Variants in OR2T6 observed in about 807,000 individuals in gnomAD.
OR2T6 encodes the protein olfactory receptor 2T6.
For synonymous variants in OR2T6, 174 were observed against 148.0 expected (o/e 1.18, Z -1.27); for missense variants, 424 against 391.6 (o/e 1.08, Z -0.70).
chr1:248,380,595 G>T (rs1035452094), intron 1 of OR2T6, among the ~76,000 whole-genome samples: 1 of 151,662 alleles, frequency 6.6e-6, no homozygotes, highest in African/African-American at 2.4e-5. Context: ...ATTATTAGAG[G>T]TTATAAAATT....
At chr1:248,376,587 C>T (rs1207126863) in intron 1 of OR2T6, among the ~76,000 whole-genome samples, 1 of 152,128 alleles carries the variant, frequency 6.6e-6, no homozygotes, top group East Asian at 1.9e-4. Flanking sequence ...TTGAGGAAGG[C>T]TGTACATTTT....
At chr1:248,378,959 G>T (rs550990972) in intron 1 of OR2T6, among the ~76,000 whole-genome samples, 62 of 152,186 alleles carry the variant, frequency 4.1e-4, no homozygotes, top group African/African-American at 1.5e-3. Context: ...GATTTCTTCA[G>T]GCCAGAAGTT....
intron 2 of OR2T6, among the ~76,000 whole-genome samples, chr1:248,385,252 C>A (rs773501211): frequency 1.3e-5 from 2 of 152,082 alleles, no homozygotes; most frequent in Admixed American, 6.6e-5. Context: ...ACTGAGGAGT[C>A]GCTAGGGTTC....
intron 2 of OR2T6, among the ~76,000 whole-genome samples, chr1:248,386,375 G>A (rs1558307172): frequency 1.3e-5 from 2 of 152,068 alleles, no homozygotes; most frequent in South Asian, 4.1e-4. Context: ...GCTTACGACT[G>A]ACCAACCAAA....
rs1343199627 is a variant in OR2T6, at chr1:248,389,882, C to G, written c.*1347C>G. The G allele has an allele frequency of 6.6e-6, 1 of 152,214 alleles. No homozygotes were observed. The highest frequency in any genetic ancestry group is 1.5e-5 in the Non-Finnish European group (1 of 68,058). The allele number at this position is 152,214 out of a possible 1,614,324, so 9.4% of individuals were successfully genotyped here. Reference sequence around the variant, plus strand: ...GGGGAGAGAAGAAGAGAAAAGCGGTCCTGGTCCAGGCCGGGTGGTCCACTG... The same window carrying G: ...GGGGAGAGAAGAAGAGAAAAGCGGTGCTGGTCCAGGCCGGGTGGTCCACTG... On this transcript the variant is annotated 3_prime_UTR_variant, in exon 3 of 3. Coordinates refer to ENST00000641644, the MANE Select transcript of OR2T6 (RefSeq NM_001005471.2).
Position 248,389,857 on chromosome 1 carries a change from G to C in OR2T6, c.*1322G>C, listed in dbSNP as rs1661218711. The stretch of plus-strand genomic sequence containing the variant: ...GAGAAAGGATCACAAACCAGTCCAA[G>C]GGGAGAGAAGAAGAGAAAAGCGGTC... On this transcript the variant is annotated 3_prime_UTR_variant, in exon 3 of 3. Transcript: ENST00000641644. 2 of 152,382 alleles carry C rather than the reference G, an allele frequency of 1.3e-5. No homozygotes were observed. The highest frequency in any genetic ancestry group is 2.1e-4 in the South Asian group (1 of 4,822). The allele number at this position is 152,382 out of a possible 1,614,324, so 9.4% of individuals were successfully genotyped here. A position where few individuals can be genotyped will look rare whatever the true frequency, so the allele number is the denominator to read the frequency against.
At chr1:248,378,346 A>G (rs1558304047) in intron 1 of OR2T6, among the ~76,000 whole-genome samples, 2 of 152,204 alleles carry the variant, frequency 1.3e-5, no homozygotes, top group African/African-American at 2.4e-5. Flanking sequence ...AGAGACTCAA[A>G]CATCATAAAA....
At chr1:248,381,429 C>T (rs1661026304) in intron 1 of OR2T6, among the ~76,000 whole-genome samples, 1 of 151,996 alleles carries the variant, frequency 6.6e-6, no homozygotes. Flanking sequence ...GTATCTTCTG[C>T]TCCTAGAAAA....
chr1:248,387,127 T>G (rs1050124582), intron 2 of OR2T6, among the ~76,000 whole-genome samples: 1 of 152,236 alleles, frequency 6.6e-6, no homozygotes, highest in Non-Finnish European at 1.5e-5. Flanking sequence ...AGTTTTCAGT[T>G]GTGTCTACAA....
At chr1:248,382,532 C>CTTTTTTTTTTT (rs773197375) in intron 1 of OR2T6, among the ~76,000 whole-genome samples, 14 of 117,266 alleles carry the variant, frequency 1.2e-4, no homozygotes, top group East Asian at 2.4e-4. Flanking sequence ...ACCTTTCTTT[C>CTTTTTTTTTTT]TTTCTTTTTT....
intron 1 of OR2T6, among the ~76,000 whole-genome samples, chr1:248,381,792 C>T (rs2066148): frequency 0.2 from 31,107 of 151,802 alleles, 3,503 homozygotes; most frequent in East Asian, 0.43. Context: ...AGTAATATTA[C>T]AGTTTCTTCC....
rs767183247 is a variant in OR2T6 at position 248,387,970 on chromosome 1, A to G, written c.362A>G (p.Asp121Gly). 6.2e-7 allele frequency: 1 copy of G among 1,608,884 alleles called. No individual in the cohort carries two copies. Among genetic ancestry groups the G allele is most frequent in the East Asian group, 2.2e-5 (1 of 44,820 alleles). ...EFFLLGLMAY[D>G]RYVAICNPLR... ...TTCCTGCTGGGGCTCATGGCCTATGACCGCTACGTGGCCATCTGCAACCCA... is the reference window on the plus strand; with the variant it reads ...TTCCTGCTGGGGCTCATGGCCTATGGCCGCTACGTGGCCATCTGCAACCCA... The change falls in exon 3 of 3, where the codon GAC (aspartate) becomes GGC (glycine). Residue 121 changes from aspartate to glycine, a missense_variant. Physicochemically the swap from Asp to Gly is moderately conservative, Grantham distance 94 (BLOSUM62 -1). Coordinates refer to ENST00000641644, the MANE Select transcript of OR2T6 (RefSeq NM_001005471.2).
rs1661239688 is a variant in OR2T6, at chr1:248,390,892, T to C, written c.*2357T>C. 1 of 152,258 alleles carries C rather than the reference T, an allele frequency of 6.6e-6. No homozygotes were observed. Among genetic ancestry groups the C allele is most frequent in the Non-Finnish European group, 1.5e-5 (1 of 68,038 alleles). The allele number at this position is 152,258 out of a possible 1,614,324, so 9.4% of individuals were successfully genotyped here. A position where few individuals can be genotyped will look rare whatever the true frequency, so the allele number is the denominator to read the frequency against. ...AAATTTGACTTAATACATACTTTTT[T>C]TCTTGTAAGATTTTAAAATCAAGTA... On this transcript the variant is annotated 3_prime_UTR_variant, in exon 3 of 3. Coordinates refer to ENST00000641644, the MANE Select transcript of OR2T6 (RefSeq NM_001005471.2).
In OR2T6 at chr1:248,376,025, T is replaced by A. The variant is rs960051432; in HGVS notation, c.-188T>A. 29 of 152,210 alleles carry A rather than the reference T, an allele frequency of 1.9e-4. No individual in the cohort carries two copies. The highest frequency in any genetic ancestry group is 6.3e-4 in the African/African-American group (26 of 41,440). 9.4% of individuals were successfully genotyped at this position (152,210 alleles called of 1,614,324 possible). A position where few individuals can be genotyped will look rare whatever the true frequency, so the allele number is the denominator to read the frequency against. ...TAAACAATTTTGTCTTTACCTAATA[T>A]TCCTCTCTCTGGATATATTATACCT... is the stretch of plus-strand genomic sequence containing the variant. On this transcript the variant is annotated 5_prime_UTR_variant, in exon 1 of 3. Transcript: ENST00000641644.
In OR2T6 at chr1:248,387,782, C is replaced by G. The variant is rs754062760; in HGVS notation, c.174C>G (p.Pro58=). Residue 58 remains proline, a synonymous_variant, in exon 3 of 3, where the codon CCC becomes CCG. Transcript: ENST00000641644. ...ACATAGACCCTCATCTCCACACCCC[C>G]ATGTACTTCCTCCTCAGCCACCTCT... ...LINIDPHLHT[P]MYFLLSHLSV... 3 of 1,612,058 alleles carry G rather than the reference C, an allele frequency of 1.9e-6. No homozygotes were observed.
Position 248,388,399 on chromosome 1 carries a change from C to G in OR2T6, c.791C>G (p.Ser264Cys), listed in dbSNP as rs1422415920. The G allele has an allele frequency of 6.2e-7, 1 of 1,613,694 alleles. No homozygotes were observed. The highest frequency in any genetic ancestry group is 8.5e-7 in the Non-Finnish European group (1 of 1,179,834). Reference sequence around the variant, plus strand: ...TTGTATACGTATACGCTTCCCCAATCTTACCACACCCCAATCAAAGATAAG... The same window carrying G: ...TTGTATACGTATACGCTTCCCCAATGTTACCACACCCCAATCAAAGATAAG... ...AALYTYTLPQ[S>C]YHTPIKDKVF... is the part of the protein sequence containing the mutation. Residue 264 changes from serine (S) to cysteine (C), a missense_variant, in exon 3 of 3, where the codon TCT becomes TGT. By Grantham distance (112) the Ser-to-Cys change is moderately radical (BLOSUM62 -1). Transcript: ENST00000641644.
rs1194752937 is a variant in OR2T6 at position 248,388,150 on chromosome 1, C to G, written c.542C>G (p.Ala181Gly). The G allele has an allele frequency of 3.1e-6, 5 of 1,613,778 alleles. No individual in the cohort carries two copies. The highest frequency in any genetic ancestry group is 4.2e-6 in the Non-Finnish European group (5 of 1,180,000). The change falls in exon 3 of 3, where the codon GCA (alanine) becomes GGA (glycine). Residue 181 changes from alanine to glycine, a missense_variant. Ala to Gly is a moderately conservative substitution (Grantham distance 60). Coordinates refer to ENST00000641644, the MANE Select transcript of OR2T6 (RefSeq NM_001005471.2). The stretch of plus-strand genomic sequence containing the variant: ...CAAATCAATCACTTTTTCTGTGAGG[C>G]ACCCACCATGCTGAGGCTGGCCTGT... ...SHQINHFFCE[A>G]PTMLRLACGD...
chr1:248,382,505 T>C (rs560836438), intron 1 of OR2T6, among the ~76,000 whole-genome samples: 23 of 151,430 alleles, frequency 1.5e-4, no homozygotes, highest in African/African-American at 5.3e-4. Flanking sequence ...CTTTTGTAAT[T>C]CCAATACTCC....
chr1:248,388,014 A>T lies in OR2T6; in HGVS notation c.406A>T (p.Ile136Phe). The T allele has an allele frequency of 6.2e-7, 1 of 1,613,364 alleles. No homozygotes were observed. Among genetic ancestry groups the T allele is most frequent in the Non-Finnish European group, 8.5e-7 (1 of 1,179,660 alleles). ...CAACCCACTGCGCTATCCTGTCCTC[A>T]TCAGCTGGCGGGTCTGCTGGATGAT... ...ICNPLRYPVL[I>F]SWRVCWMILA... The change falls in exon 3 of 3, where the codon ATC becomes TTC. Residue 136 changes from isoleucine to phenylalanine, a missense_variant. By Grantham distance (21) the Ile-to-Phe change is conservative (BLOSUM62 0). Transcript: ENST00000641644.
Sources: allele counts gnomAD v4.1 joint callset (sites outside exome capture counted in the v4.1 genomes callset), GRCh38; gene constraint gnomAD v4.1.1; transcripts MANE v1.5; gene names NCBI Gene and HGNC (gene_info 2026-07-23, HGNC 2026-07-21).